Variants in DNAH14 observed in about 807,000 individuals in gnomAD.
DNAH14 encodes the protein axonemal beta dynein heavy chain 14.
Under a neutral mutation model 520.9 loss-of-function variants are expected in DNAH14, and 478 were observed. The observed-to-expected ratio is 0.92, with a 90% CI of 0.85 to 0.99. DNAH14 has a LOEUF of 0.99. Among genes scored for constraint, DNAH14 ranks in the 50% least tolerant of loss-of-function variants. The pLI is 0.00. For synonymous variants in DNAH14, 1,581 were observed against 1,757.2 expected (o/e 0.90, Z 2.51); for missense variants, 4,831 against 5,234.5 (o/e 0.92, Z 2.38).
At chr1:224,932,494 T>A (rs1043561995) in intron 1 of DNAH14, among the ~76,000 whole-genome samples, 1 of 152,160 alleles carries the variant, frequency 6.6e-6, no homozygotes, top group Non-Finnish European at 1.5e-5. Flanking sequence ...TTATTGCCTG[T>A]GCTTTTGAGG....
intron 84 of DNAH14, among the ~76,000 whole-genome samples, chr1:225,392,937 G>C (rs896197416): frequency 3.9e-5 from 6 of 152,266 alleles, no homozygotes; most frequent in Admixed American, 1.3e-4. Flanking sequence ...AGAGCACAGA[G>C]CACCAGCCAG....
intron 46 of DNAH14, among the ~76,000 whole-genome samples, chr1:225,259,942 T>C (rs957082819): frequency 2.6e-5 from 4 of 152,224 alleles, no homozygotes; most frequent in African/African-American, 9.6e-5. Flanking sequence ...TAATGGAATC[T>C]GTGTATATAT....
In DNAH14 at chr1:224,947,567, C is replaced by T. The variant is rs570794459; in HGVS notation, c.-33-5103C>T. Among the ~76,000 whole-genome samples the T allele has an allele frequency of 7.2e-5, 11 of 152,124 alleles. No individual in the cohort carries two copies. The East Asian group carries it at 2.1e-3, about 29-fold the overall frequency. On this transcript the variant is annotated intron_variant, in intron 1 of 85. Coordinates refer to ENST00000682510, the MANE Select transcript of DNAH14 (RefSeq NM_001367479.1). ...GTTTATTTTCTATTTTTAAACATTT[C>T]TGCTTTAATCTTTAGTATTATTCTA...
intron 17 of DNAH14, among the ~76,000 whole-genome samples, chr1:225,059,332 G>C (rs866197781): frequency 6.6e-6 from 1 of 152,082 alleles, no homozygotes; most frequent in Admixed American, 6.5e-5. Flanking sequence ...TGTTTTATCC[G>C]ATACTAGGAT....
Position 225,399,264 on chromosome 1 carries a change from A to G in DNAH14, c.13849A>G (p.Lys4617Glu), listed in dbSNP as rs1270483016. The change falls in exon 86 of 86, where the codon AAA (lysine) becomes GAA (glutamate). Residue 4617 changes from lysine (K) to glutamate (E), a missense_variant. Transcript: ENST00000682510. ...TGCATTGCTTTGTGAGAAGAATGAAAAATAAATGTCCATATCAAACCATTT... is the reference window on the plus strand; with the variant it reads ...TGCATTGCTTTGTGAGAAGAATGAAGAATAAATGTCCATATCAAACCATTT... ...RVALLCEKNEK is the reference protein window; with the variant it reads ...RVALLCEKNEE 1 of 1,550,168 alleles carries G rather than the reference A, an allele frequency of 6.5e-7. No individual in the cohort carries two copies. The highest frequency in any genetic ancestry group is 1.4e-5 in the African/African-American group (1 of 72,978).
intron 26 of DNAH14, 23 bp downstream of exon 26, chr1:225,119,317 A>G: frequency 1.4e-6 from 2 of 1,464,726 alleles, no homozygotes; most frequent in Non-Finnish European, 1.8e-6. Flanking sequence ...TTCAAATCCT[A>G]AAATTATATA....
intron 64 of DNAH14, among the ~76,000 whole-genome samples, chr1:225,330,455 G>T (rs2094771703): frequency 6.6e-6 from 1 of 152,196 alleles, no homozygotes; most frequent in Non-Finnish European, 1.5e-5. Flanking sequence ...CTTATACACA[G>T]TGGAGTATTA....
chr1:224,988,031 A>G (rs2062767405), intron 8 of DNAH14, among the ~76,000 whole-genome samples: 1 of 151,734 alleles, frequency 6.6e-6, no homozygotes, highest in Admixed American at 6.6e-5. Context: ...TGCATTAGCT[A>G]TTTTTCCTAA....
chr1:225,390,712 G>A (rs1045449988), intron 83 of DNAH14, among the ~76,000 whole-genome samples: 2 of 152,096 alleles, frequency 1.3e-5, no homozygotes, highest in Non-Finnish European at 2.9e-5. Flanking sequence ...AATTCGTGGA[G>A]CTTACATGGT....
At chr1:225,151,234 C>G (rs2080470998) in intron 31 of DNAH14, among the ~76,000 whole-genome samples, 1 of 152,000 alleles carries the variant, frequency 6.6e-6, no homozygotes, top group Non-Finnish European at 1.5e-5. Context: ...ATTTCTAATG[C>G]AAGCTAATGG....
intron 80 of DNAH14, among the ~76,000 whole-genome samples, chr1:225,380,910 T>C (rs933187298): frequency 2.0e-5 from 3 of 152,186 alleles, no homozygotes; most frequent in Non-Finnish European, 4.4e-5. Flanking sequence ...CATTGTTGAG[T>C]CTCAATCAAA....
At chr1:225,356,642 G>A (rs543224305) in intron 73 of DNAH14, among the ~76,000 whole-genome samples, 13 of 152,284 alleles carry the variant, frequency 8.5e-5, no homozygotes, top group South Asian at 8.3e-4. Flanking sequence ...AGGGAGGGAC[G>A]TGGAGATATG....
At chr1:225,168,864 T>C (rs6666735) in intron 36 of DNAH14, among the ~76,000 whole-genome samples, 23,462 of 152,172 alleles carry the variant, frequency 0.15, 2,128 homozygotes, top group East Asian at 0.36. Context: ...CAAGTGGGTC[T>C]CTGACCCTCA....
intron 10 of DNAH14, among the ~76,000 whole-genome samples, chr1:225,015,572 G>A (rs573835838): frequency 9.2e-5 from 14 of 152,198 alleles, no homozygotes; most frequent in Non-Finnish European, 1.3e-4. Flanking sequence ...TAGAGGTGAC[G>A]AACTTATTCT....
At chr1:225,012,764 C>T (rs938647109) in intron 10 of DNAH14, among the ~76,000 whole-genome samples, 1 of 152,088 alleles carries the variant, frequency 6.6e-6, no homozygotes, top group African/African-American at 2.4e-5. Flanking sequence ...GCTGTTGATG[C>T]TTGTGTATGC....
chr1:224,994,432 T>A (rs1445386899), intron 8 of DNAH14, among the ~76,000 whole-genome samples: 1 of 152,056 alleles, frequency 6.6e-6, no homozygotes, highest in Non-Finnish European at 1.5e-5. Context: ...AATGTCATTT[T>A]TCATCTATTT....
intron 17 of DNAH14, among the ~76,000 whole-genome samples, chr1:225,071,790 A>G (rs2071578018): frequency 6.6e-6 from 1 of 152,166 alleles, no homozygotes; most frequent in African/African-American, 2.4e-5. Flanking sequence ...TGCCAAACAA[A>G]AGGCAGGAAA....
intron 23 of DNAH14, 103 bp downstream of exon 23, chr1:225,100,987 T>C: frequency 1.0e-6 from 1 of 988,750 alleles, no homozygotes; most frequent in Non-Finnish European, 1.4e-6. Context: ...GCAGATTTTC[T>C]TTATTCTAGC....
rs766851968 is a variant in DNAH14, at chr1:225,232,324, T to C, written c.6518+1173T>C. On this transcript the variant is annotated intron_variant, in intron 42 of 85. Coordinates refer to ENST00000682510, the MANE Select transcript of DNAH14 (RefSeq NM_001367479.1). The surrounding 1 kb of genome is among the most constrained non-coding windows in gnomAD (Gnocchi z 4.2). ...ACGTGTATCACAGGTTATTTATCGA[T>C]TGGTAAACATTTAGATTTTCAATTT... 6.6e-6 allele frequency among the ~76,000 whole-genome samples: 1 copy of C among 151,702 alleles called. No individual in the cohort carries two copies. The highest frequency in any genetic ancestry group is 1.5e-5 in the Non-Finnish European group (1 of 67,888).
Sources: allele counts gnomAD v4.1 joint callset (sites outside exome capture counted in the v4.1 genomes callset), GRCh38; gene constraint gnomAD v4.1.1; non-coding constraint Gnocchi (gnomAD v3.1); transcripts MANE v1.5; gene names NCBI Gene and HGNC (gene_info 2026-07-23, HGNC 2026-07-21).